The following BRI3BP variants were observed in gnomAD, a reference collection of about 807,000 sequenced individuals.
The protein encoded by BRI3BP is BRI3 binding protein, also known as BRI3-binding protein.
BRI3BP carries 7 observed loss-of-function variants against 15.8 expected under a neutral mutation model. That is an observed-to-expected ratio of 0.44 (90% CI 0.25 to 0.83). The LOEUF is 0.83. Ranked by LOEUF, BRI3BP falls within the 40% of genes least tolerant of loss-of-function variation. The pLI is 0.20. For synonymous variants in BRI3BP, 192 were observed against 163.5 expected, an observed-to-expected ratio of 1.17 and a Z score of -1.33; for missense variants, 320 against 339.3, an observed-to-expected ratio of 0.94 and a Z score of 0.45.
At chr12:125,005,891 A>G (rs1434196169) in intron 1 of BRI3BP, among the ~76,000 whole-genome samples, 3 of 152,046 alleles carry the variant, frequency 2.0e-5, no homozygotes, top group Non-Finnish European at 4.4e-5. Context: ...GTTTGTGTGC[A>G]CTGCAGCCCA....
At chr12:124,995,232 C>A (rs1326420273) in intron 1 of BRI3BP, among the ~76,000 whole-genome samples, 1 of 152,164 alleles carries the variant, frequency 6.6e-6, no homozygotes, top group Non-Finnish European at 1.5e-5. Context: ...GGGGAGAGAA[C>A]GCTTTGTAGG....
At chr12:125,048,710 A>C in the BRI3BP span, among the ~76,000 whole-genome samples, 6 of 151,958 alleles carry the variant, frequency 3.9e-5, no homozygotes, top group Non-Finnish European at 1.5e-5. Flanking sequence ...TAATAATAAT[A>C]GTAAAAAATA....
rs1056588123 is a variant in BRI3BP, at chr12:125,002,518, A to G, written c.213+8515A>G. Among the ~76,000 whole-genome samples the G allele has an allele frequency of 3.0e-4, 44 of 147,032 alleles. 1 individual carries two copies. Among genetic ancestry groups the G allele is most frequent in the African/African-American group, 9.3e-4 (37 of 39,610 alleles). ...TGTTGCCAGGCTGGAGTGCAGTGGC[A>G]CAATCTCTGCTCACTGCAACCTCCG... is the stretch of plus-strand genomic sequence containing the variant. On this transcript the variant is annotated intron_variant, in intron 1 of 2. Transcript: ENST00000341446.
At chr12:125,015,399 G>A (rs1955233874) in intron 2 of BRI3BP, among the ~76,000 whole-genome samples, 1 of 152,160 alleles carries the variant, frequency 6.6e-6, no homozygotes, top group Non-Finnish European at 1.5e-5. Context: ...GGGACCACCA[G>A]AAGCTGGAAG....
Position 125,025,584 on chromosome 12 carries a change from C to T in BRI3BP, c.*154C>T. ...GGCTATTTCCACCCACCCGGCAGCT[C>T]TTAGGACACATTCCCAGAAGAGCGG... is the stretch of plus-strand genomic sequence containing the variant. On this transcript the variant is annotated 3_prime_UTR_variant, in exon 3 of 3. Transcript: ENST00000341446. 1 of 736,732 alleles carries T rather than the reference C, an allele frequency of 1.4e-6. No individual in the cohort carries two copies. Among genetic ancestry groups the T allele is most frequent in the Non-Finnish European group, 2.1e-6 (1 of 469,872 alleles). 45.6% of individuals were successfully genotyped at this position (736,732 alleles called of 1,614,324 possible).
At chr12:125,019,442 C>A (rs575322046) in intron 2 of BRI3BP, among the ~76,000 whole-genome samples, 1 of 152,010 alleles carries the variant, frequency 6.6e-6, no homozygotes, top group African/African-American at 2.4e-5. Context: ...CTCAGAGGAA[C>A]CCCAGGAGGT....
chr12:124,999,912 A>G (rs1479769176), intron 1 of BRI3BP, among the ~76,000 whole-genome samples: 1 of 488 alleles, frequency 2.0e-3, no homozygotes, highest in Non-Finnish European at 3.8e-3. Flanking sequence ...GAGACACCCG[A>G]CCCAGCCTCA....
chr12:124,997,208 A>ACTTCT (rs1955047854), intron 1 of BRI3BP, among the ~76,000 whole-genome samples: 1 of 37,726 alleles, frequency 2.7e-5, no homozygotes, highest in Non-Finnish European at 4.6e-5. Flanking sequence ...TTTTTGCTTT[A>ACTTCT]CTTCTCTTTT....
downstream of BRI3BP, among the ~76,000 whole-genome samples, chr12:125,035,755 C>T (rs966376176): frequency 6.6e-6 from 1 of 152,024 alleles, no homozygotes; most frequent in Non-Finnish European, 1.5e-5. Context: ...GTATGCCCGG[C>T]CTGTCAGGTG....
At chr12:125,014,346 T>C (rs1357627189) in intron 2 of BRI3BP, among the ~76,000 whole-genome samples, 5 of 152,188 alleles carry the variant, frequency 3.3e-5, no homozygotes, top group African/African-American at 1.2e-4. Flanking sequence ...AGTTGCTGCA[T>C]GTGGCAGGGT....
Position 125,030,594 on chromosome 12 carries a change from A to C in BRI3BP, c.*5164A>C, listed in dbSNP as rs756297211. The stretch of plus-strand genomic sequence containing the variant: ...GCTTAAAACGCTGATTGCCATTTGC[A>C]TTGTCTACTGAAAAGCTGTGGCAGC... On this transcript the variant is annotated 3_prime_UTR_variant, in exon 3 of 3. Transcript: ENST00000341446. 2 of 152,210 alleles carry C rather than the reference A, an allele frequency of 1.3e-5. No individual in the cohort carries two copies. The highest frequency in any genetic ancestry group is 2.9e-5 in the Non-Finnish European group (2 of 68,034). The allele number at this position is 152,210 out of a possible 1,614,324, so 9.4% of individuals were successfully genotyped here.
chr12:125,017,693 G>T (rs1394869182), intron 2 of BRI3BP, among the ~76,000 whole-genome samples: 2 of 152,270 alleles, frequency 1.3e-5, no homozygotes, highest in South Asian at 4.1e-4. Context: ...CACATGTCCA[G>T]GAGTTGGAAG....
the BRI3BP span, among the ~76,000 whole-genome samples, chr12:125,050,005 A>T: frequency 1.8e-4 from 27 of 152,314 alleles, no homozygotes; most frequent in African/African-American, 6.3e-4. Flanking sequence ...GGAGTCTTCC[A>T]CTACTGCTAA....
At chr12:125,042,685 C>T in the BRI3BP span, among the ~76,000 whole-genome samples, 1 of 152,128 alleles carries the variant, frequency 6.6e-6, no homozygotes, top group Non-Finnish European at 1.5e-5. Flanking sequence ...CAGGCACCCA[C>T]CACCACGCCC....
chr12:125,011,603 G>A (rs772152352), intron 1 of BRI3BP, among the ~76,000 whole-genome samples: 2 of 152,194 alleles, frequency 1.3e-5, no homozygotes, highest in African/African-American at 2.4e-5. Context: ...CACGTCTAAG[G>A]AAGGGTTCCT....
At chr12:125,037,638 C>T in the BRI3BP span, among the ~76,000 whole-genome samples, 4 of 130,968 alleles carry the variant, frequency 3.1e-5, no homozygotes, top group African/African-American at 7.6e-5. Context: ...GGTGAAACCC[C>T]GTCTCTACTA....
rs1243620080 is a variant in BRI3BP, at chr12:125,028,244, C to G, written c.*2814C>G. The stretch of plus-strand genomic sequence containing the variant: ...TAATGATCGCCAGCCCTGCCTTGGC[C>G]CCTCCCTTGTTTATGGTCATTGTAA... On this transcript the variant is annotated 3_prime_UTR_variant, in exon 3 of 3. Transcript: ENST00000341446. The G allele has an allele frequency of 6.6e-6, 1 of 152,232 alleles. No homozygotes were observed. The highest frequency in any genetic ancestry group is 1.5e-5 in the Non-Finnish European group (1 of 68,054). 9.4% of individuals were successfully genotyped at this position (152,232 alleles called of 1,614,324 possible).
At chr12:125,012,397 T>C in intron 1 of BRI3BP, 137 bp from the exon 2 acceptor site, 2 of 696,484 alleles carry the variant, frequency 2.9e-6, no homozygotes, top group African/African-American at 1.8e-5. Context: ...CCTGGGCCAG[T>C]AGTCCACATG....
At chr12:124,998,879 C>T (rs1450833945) in intron 1 of BRI3BP, among the ~76,000 whole-genome samples, 2 of 152,048 alleles carry the variant, frequency 1.3e-5, no homozygotes, top group East Asian at 3.9e-4. Flanking sequence ...GAGTTTGAGA[C>T]CAGCCTGGGC....
Sources: gnomAD v4.1 joint callset for allele counts (sites outside exome capture counted in the v4.1 genomes callset) on GRCh38, gnomAD v4.1.1 for gene constraint, MANE v1.5 for transcripts, NCBI Gene and HGNC (gene_info 2026-07-23, HGNC 2026-07-21) for gene names.